ARHGAP32: variants seen among roughly 807,000 people sequenced by gnomAD.
ARHGAP32 encodes the protein rho GTPase-activating protein 32.
ARHGAP32 carries 51 observed loss-of-function variants against 186.5 expected under a neutral mutation model. That is an observed-to-expected ratio of 0.27 (90% CI 0.22 to 0.35). The LOEUF is 0.35. ARHGAP32 is among the 10% of genes least tolerant of loss of function. The probability of loss-of-function intolerance (pLI) is 1.00; values close to 1 mark genes in which losing one functional copy is unlikely to be tolerated. For missense variants in ARHGAP32, 2,186 were observed against 2,623.5 expected, an observed-to-expected ratio of 0.83 and a Z score of 3.64; for synonymous variants, 950 against 964.3, an observed-to-expected ratio of 0.99 and a Z score of 0.27.
At chr11:129,082,008 C>T (rs1941236677) in intron 6 of ARHGAP32, among the ~76,000 whole-genome samples, 1 of 151,680 alleles carries the variant, frequency 6.6e-6, no homozygotes, top group African/African-American at 2.4e-5. Flanking sequence ...ACAATAGTTG[C>T]AAATAAATAA....
At chr11:129,150,114 C>CAAAAAAAAAAAAA (rs61492745) in intron 2 of ARHGAP32, among the ~76,000 whole-genome samples, 6 of 78,088 alleles carry the variant, frequency 7.7e-5, no homozygotes, top group Admixed American at 2.6e-4. Context: ...CTGACAAAGA[C>CAAAAAAAAAAAAA]AAAAAAAAAA....
chr11:129,067,040 A>G (rs1034875587), intron 6 of ARHGAP32, among the ~76,000 whole-genome samples, 172 bp from the exon 7 acceptor site: 4 of 152,050 alleles, frequency 2.6e-5, no homozygotes, highest in African/African-American at 7.2e-5. Context: ...AATAAGTTAT[A>G]TTACATTAAA....
intron 5 of ARHGAP32, among the ~76,000 whole-genome samples, chr11:129,104,346 C>T (rs978568053): frequency 5.3e-5 from 8 of 151,964 alleles, no homozygotes; most frequent in African/African-American, 1.9e-4. Context: ...TCATCCTGAA[C>T]AACACTAACA....
At chr11:129,048,788 C>T (rs942187983) in intron 10 of ARHGAP32, among the ~76,000 whole-genome samples, 9 of 152,138 alleles carry the variant, frequency 5.9e-5, no homozygotes, top group East Asian at 5.8e-4. Flanking sequence ...AACTAGATTA[C>T]GGTTGCTTTA....
rs557733113 is a variant in ARHGAP32 at position 129,149,121 on chromosome 11, C to A, written c.225+15198G>T. Among the ~76,000 whole-genome samples, 11 of 152,310 alleles carry A rather than the reference C, an allele frequency of 7.2e-5. No individual in the cohort carries two copies. In the South Asian group the frequency reaches 2.1e-3, roughly 29 times the overall value. On this transcript the variant is annotated intron_variant, in intron 2 of 22. Transcript: ENST00000682385. ...TGGCCAATGCAGGGCAAGCACAGAT[C>A]CCCCTACTACTACTATAGCTGATGC...
In ARHGAP32 at chr11:129,072,463, T is replaced by G. The variant is rs116561322; in HGVS notation, c.532-5595A>C. Among the ~76,000 whole-genome samples the G allele has an allele frequency of 5.5e-3, 832 of 152,308 alleles. 12 individuals are homozygous for G. The highest frequency in any genetic ancestry group is 0.019 in the African/African-American group (804 of 41,558). ...TGTAAGGAGCTCAGAAGTCACTGGT[T>G]AACAAGTAAAAAGCTGAACAAAGTG... is the stretch of plus-strand genomic sequence containing the variant. On this transcript the variant is annotated intron_variant, in intron 6 of 22. Coordinates refer to ENST00000682385, the MANE Select transcript of ARHGAP32 (RefSeq NM_001378024.1).
chr11:129,076,652 C>T (rs376089344), intron 6 of ARHGAP32, among the ~76,000 whole-genome samples: 21 of 151,908 alleles, frequency 1.4e-4, no homozygotes, highest in Non-Finnish European at 2.2e-4. Context: ...TACAACTTAC[C>T]CAAATTTGTG....
intron 1 of ARHGAP32, among the ~76,000 whole-genome samples, chr11:129,184,454 G>A (rs964368476): frequency 4.6e-5 from 7 of 152,012 alleles, no homozygotes; most frequent in South Asian, 2.1e-4. Flanking sequence ...GTATCTATAC[G>A]TGAAGAACCC....
At chr11:129,166,014 G>C (rs1157349682) in intron 1 of ARHGAP32, among the ~76,000 whole-genome samples, 1 of 152,008 alleles carries the variant, frequency 6.6e-6, no homozygotes, top group Non-Finnish European at 1.5e-5. Flanking sequence ...AAAAATAAGA[G>C]AGAAATGATG....
intron 1 of ARHGAP32, among the ~76,000 whole-genome samples, chr11:129,251,692 G>A (rs550833247): frequency 6.6e-6 from 1 of 152,008 alleles, no homozygotes; most frequent in African/African-American, 2.4e-5. Context: ...TTGGGAGGCC[G>A]AGGTGGGGGG....
chr11:129,101,001 TG>T (rs1941881975), intron 5 of ARHGAP32, among the ~76,000 whole-genome samples: 1 of 152,140 alleles, frequency 6.6e-6, no homozygotes, highest in African/African-American at 2.4e-5. Context: ...TGGAGTGTAG[TG>T]ACCAGCAGTC....
Position 129,164,343 on chromosome 11 carries a change from A to G in ARHGAP32, c.201T>C (p.Asp67=), listed in dbSNP as rs1266576768. 3 of 1,577,416 alleles carry G rather than the reference A, an allele frequency of 1.9e-6. No individual in the cohort carries two copies. The highest frequency in any genetic ancestry group is 8.6e-7 in the Non-Finnish European group (1 of 1,159,282). Residue 67 remains aspartate, a synonymous_variant, in exon 2 of 23, where the codon GAT becomes GAC. Coordinates refer to ENST00000682385, the MANE Select transcript of ARHGAP32 (RefSeq NM_001378024.1). The stretch of plus-strand genomic sequence containing the variant: ...CCATTGCGCTAAGAGTTTCTTCCCA[A>G]TCAGGCCGCTCTCGAGGGTGTACAT... ...HRNVHPRERP[D]WEETLSAMAR...
chr11:129,125,853 G>C (rs1051587784), intron 2 of ARHGAP32: 5 of 431,778 alleles, frequency 1.2e-5, no homozygotes, highest in Middle Eastern at 3.4e-4. Context: ...TCATGATCAA[G>C]ACTTCTTAGA....
At chr11:129,058,106 G>T (rs931332961) in intron 10 of ARHGAP32, among the ~76,000 whole-genome samples, 16 of 151,688 alleles carry the variant, frequency 1.1e-4, no homozygotes, top group Admixed American at 1.1e-3. Flanking sequence ...CCAATTAAGG[G>T]ATGAATAAAT....
Position 129,067,930 on chromosome 11 carries a change from A to G in ARHGAP32, c.532-1062T>C, listed in dbSNP as rs1028946336. ...GTAATCCTCCACGACATAGACAAAAAGTCATTACCAGCTCCCTCTTTCAGA... is the reference window on the plus strand; with the variant it reads ...GTAATCCTCCACGACATAGACAAAAGGTCATTACCAGCTCCCTCTTTCAGA... On this transcript the variant is annotated intron_variant, in intron 6 of 22. Coordinates refer to ENST00000682385, the MANE Select transcript of ARHGAP32 (RefSeq NM_001378024.1). 1.1e-4 allele frequency among the ~76,000 whole-genome samples: 17 copies of G among 152,118 alleles called. 1 individual carries two copies. Among genetic ancestry groups the G allele is most frequent in the Admixed American group, 9.8e-4 (15 of 15,252 alleles).
In ARHGAP32 at chr11:129,043,385, T is replaced by TC. The variant is rs1179568855; in HGVS notation, c.964-2377_964-2376insG. On this transcript the variant is annotated intron_variant, in intron 10 of 22. Coordinates refer to ENST00000682385, the MANE Select transcript of ARHGAP32 (RefSeq NM_001378024.1). ...TCTATGCAAATTTCTTTTTTTCTTT[T>TC]TTTTTTTTTTTTTTTTGCGCAACGG... Among the ~76,000 whole-genome samples, 830 of 145,088 alleles carry TC rather than the reference T, an allele frequency of 5.7e-3. 6 individuals are homozygous for TC. The highest frequency in any genetic ancestry group is 0.02 in the African/African-American group (790 of 39,002).
chr11:129,240,900 TAGAA>T (rs750124499), intron 1 of ARHGAP32, among the ~76,000 whole-genome samples: 2 of 152,230 alleles, frequency 1.3e-5, no homozygotes, highest in African/African-American at 4.8e-5. Flanking sequence ...ACAGAGGAAA[TAGAA>T]AGAAAGGTTC....
chr11:129,199,454 C>T (rs1468925417), intron 1 of ARHGAP32, among the ~76,000 whole-genome samples: 2 of 152,246 alleles, frequency 1.3e-5, no homozygotes, highest in Non-Finnish European at 2.9e-5. Context: ...GCCCTGTGCC[C>T]CAGCTGCTCC....
chr11:129,191,408 A>C lies in ARHGAP32; in HGVS notation c.116+675T>G, dbSNP rs1944267117. 2.6e-5 allele frequency among the ~76,000 whole-genome samples: 4 copies of C among 152,172 alleles called. 1 individual carries two copies. The highest frequency in any genetic ancestry group is 2.6e-4 in the Admixed American group (4 of 15,270). Reference sequence around the variant, plus strand: ...ATGAAACATTGGTTCTGTTTTCACAAACTGGTTAAGACATCTTTCTTCACC... The same window carrying C: ...ATGAAACATTGGTTCTGTTTTCACACACTGGTTAAGACATCTTTCTTCACC... On this transcript the variant is annotated intron_variant, in intron 1 of 22. Coordinates refer to ENST00000682385, the MANE Select transcript of ARHGAP32 (RefSeq NM_001378024.1).
Sources: allele counts gnomAD v4.1 joint callset (sites outside exome capture counted in the v4.1 genomes callset), GRCh38; gene constraint gnomAD v4.1.1; transcripts MANE v1.5; gene names NCBI Gene and HGNC (gene_info 2026-07-23, HGNC 2026-07-21).